Variants in ATP10A observed in about 807,000 individuals in gnomAD.
The protein encoded by ATP10A is phospholipid-transporting ATPase VA.
ATP10A carries 111 observed loss-of-function variants against 147.8 expected under a neutral mutation model. That is an observed-to-expected ratio of 0.75 (90% CI 0.64 to 0.88). The LOEUF (loss-of-function observed/expected upper bound fraction) is 0.88, where lower values mean the gene tolerates loss of function less well. Among genes scored for constraint, ATP10A ranks in the 40% least tolerant of loss-of-function variants. The pLI is 0.00. For synonymous variants in ATP10A, 875 were observed against 841.6 expected (o/e 1.04, Z -0.69); for missense variants, 1,927 against 1,959.0 (o/e 0.98, Z 0.31).
chr15:25,862,319 C>T (rs1189691639), intron 1 of ATP10A: 1 of 545,188 alleles, frequency 1.8e-6, no homozygotes. Flanking sequence ...TCCTGCCTTT[C>T]ACTTCAGGTG....
intron 2 of ATP10A, among the ~76,000 whole-genome samples, chr15:25,767,538 T>C (rs1394865819): frequency 6.6e-6 from 1 of 152,194 alleles, no homozygotes; most frequent in African/African-American, 2.4e-5. Context: ...CCTGGATCCC[T>C]TTATTTGTAA....
rs772103038 is a variant in ATP10A, at chr15:25,721,637, C to A, written c.1363+20G>T. 6.2e-7 allele frequency: 1 copy of A among 1,604,344 alleles called. No homozygotes were observed. The highest frequency in any genetic ancestry group is 8.5e-7 in the Non-Finnish European group (1 of 1,173,586). On this transcript the variant is annotated intron_variant, in intron 7 of 20. Transcript: ENST00000555815. ...TTTCTGGTTCAGCCTGGGTTGGGAGCCCCGCACCCCCAGACTCACCATTTG... is the reference window on the plus strand; with the variant it reads ...TTTCTGGTTCAGCCTGGGTTGGGAGACCCGCACCCCCAGACTCACCATTTG...
At chr15:25,691,901 C>T (rs1567304074) in intron 14 of ATP10A, 110 bp from the exon 15 acceptor site, 2 of 1,279,268 alleles carry the variant, frequency 1.6e-6, no homozygotes, top group Admixed American at 1.7e-5. Flanking sequence ...CCTGTGAAAG[C>T]GTCCTGGGGA....
chr15:25,751,915 C>T (rs1281957697), intron 2 of ATP10A, among the ~76,000 whole-genome samples: 3 of 152,008 alleles, frequency 2.0e-5, no homozygotes, highest in African/African-American at 4.8e-5. Context: ...TGAAAAAATG[C>T]TCAACATCAC....
Position 25,727,954 on chromosome 15 carries a change from CA to C in ATP10A, c.741-689del, listed in dbSNP as rs377706372. On this transcript the variant is annotated intron_variant, in intron 3 of 20. Transcript: ENST00000555815. ...GACCGCCCTGGGACAGATATGGCCC[CA>C]GGGGCCAGAGCACAGGTCACAGGGG... 3.2e-3 allele frequency among the ~76,000 whole-genome samples: 492 copies of C among 152,314 alleles called. 1 individual carries two copies. Among genetic ancestry groups the C allele is most frequent in the African/African-American group, 0.011 (472 of 41,578 alleles).
At chr15:25,709,715 T>C (rs1289907771) in intron 10 of ATP10A, 1 of 152,288 alleles carries the variant, frequency 6.6e-6, no homozygotes, top group Admixed American at 6.5e-5. Flanking sequence ...CAGGCAGAAG[T>C]GGCTGAGCCC....
chr15:25,787,729 C>A (rs1890236271), intron 1 of ATP10A, among the ~76,000 whole-genome samples: 1 of 152,100 alleles, frequency 6.6e-6, no homozygotes, highest in Middle Eastern at 3.2e-3. Flanking sequence ...TAACACAGTT[C>A]AGTCCATTTG....
intron 2 of ATP10A, among the ~76,000 whole-genome samples, chr15:25,770,271 G>A (rs1009878682): frequency 3.3e-5 from 5 of 152,126 alleles, no homozygotes; most frequent in African/African-American, 1.2e-4. Flanking sequence ...TTGGGGATCG[G>A]CCCAGCCCAG....
intron 3 of ATP10A, among the ~76,000 whole-genome samples, chr15:25,729,241 C>T (rs999720573): frequency 6.6e-6 from 1 of 152,304 alleles, no homozygotes; most frequent in Middle Eastern, 3.4e-3. Context: ...AATCCCAGCA[C>T]TTTGGGAGGC....
Position 25,686,526 on chromosome 15 carries a change from G to A in ATP10A, c.3291+1177C>T, listed in dbSNP as rs1246857279. Among the ~76,000 whole-genome samples, 5 of 106,858 alleles carry A rather than the reference G, an allele frequency of 4.7e-5. 2 individuals are homozygous for A. Among genetic ancestry groups the A allele is most frequent in the Non-Finnish European group, 8.4e-5 (5 of 59,552 alleles). 70.1% of individuals were successfully genotyped at this position (106,858 alleles called of 152,430 possible). The stretch of plus-strand genomic sequence containing the variant: ...AAATGAACATGAACAACCACTGACA[G>A]TTTAGAGCTAGCTAACTGGAGAGTT... On this transcript the variant is annotated intron_variant, in intron 16 of 20. Transcript: ENST00000555815.
chr15:25,726,137 G>A, intron 4 of ATP10A, 55 bp from the exon 5 acceptor site: 1 of 1,582,628 alleles, frequency 6.3e-7, no homozygotes, highest in Non-Finnish European at 8.6e-7. Flanking sequence ...TAAGGGACCA[G>A]CTGCATGGAT....
At chr15:25,833,828 C>T (rs746229810) in intron 1 of ATP10A, among the ~76,000 whole-genome samples, 4 of 151,942 alleles carry the variant, frequency 2.6e-5, no homozygotes, top group South Asian at 2.1e-4. Context: ...AAAAATAAGC[C>T]GGGCGTGGTG....
At chr15:25,705,316 G>T (rs1900911796) in intron 12 of ATP10A, among the ~76,000 whole-genome samples, 1 of 151,816 alleles carries the variant, frequency 6.6e-6, no homozygotes. Context: ...CACGCCTGTG[G>T]TCCCAGCTAC....
At position 25,721,844 on chromosome 15, in the gene ATP10A, A is replaced by G. The variant is rs562571482; in HGVS notation, c.1176T>C (p.Ile392=). Residue 392 remains isoleucine, a synonymous_variant, in exon 7 of 21, where the codon ATT becomes ATC. Coordinates refer to ENST00000555815, the MANE Select transcript of ATP10A (RefSeq NM_024490.4). ...CGTCATACAACTGCATGTCCTGGTT[A>G]ATGAAGTACACTTGGCATGCTTTAA... The part of the protein sequence containing the change: ...EIVKACQVYF[I]NQDMQLYDEE... 11 of 1,614,206 alleles carry G rather than the reference A, an allele frequency of 6.8e-6. No homozygotes were observed. The East Asian group carries it at 2.5e-4, about 36-fold the overall frequency.
Position 25,862,694 on chromosome 15 carries a change from G to A in ATP10A, c.403C>T (p.Arg135Cys). Reference protein sequence around the residue: ...RDLWEDYSRHRSDHKINHLGC... With the variant: ...RDLWEDYSRHCSDHKINHLGC... ...AGGTGGTTGATCTTGTGGTCGGAGC[G>A]GTGGCGGCTGTAGTCCTCCCACAGG... Residue 135 changes from arginine to cysteine, a missense_variant, in exon 1 of 21, where the codon CGC becomes TGC. By Grantham distance (180) the Arg-to-Cys change is radical (BLOSUM62 -3). Transcript: ENST00000555815. 1 of 1,607,218 alleles carries A rather than the reference G, an allele frequency of 6.2e-7. No individual in the cohort carries two copies. Among genetic ancestry groups the A allele is most frequent in the Non-Finnish European group, 8.5e-7 (1 of 1,175,852 alleles).
At chr15:25,783,018 A>T (rs1219243113) in intron 1 of ATP10A, among the ~76,000 whole-genome samples, 5 of 151,364 alleles carry the variant, frequency 3.3e-5, no homozygotes, top group African/African-American at 7.3e-5. Flanking sequence ...AAAAAAATTA[A>T]AAAAAAAATT....
chr15:25,754,626 A>G (rs1340007859), intron 2 of ATP10A, among the ~76,000 whole-genome samples: 1 of 152,194 alleles, frequency 6.6e-6, no homozygotes, highest in African/African-American at 2.4e-5. Flanking sequence ...TCTCAGAGGT[A>G]AAGTCATCCC....
intron 13 of ATP10A, among the ~76,000 whole-genome samples, chr15:25,696,991 G>A (rs1430631471): frequency 6.6e-6 from 1 of 152,130 alleles, no homozygotes; most frequent in Non-Finnish European, 1.5e-5. Context: ...TGCAGGAGAA[G>A]GGCAGGAAAT....
At chr15:25,721,563 TG>T in intron 7 of ATP10A, 93 bp downstream of exon 7, 2 of 1,205,190 alleles carry the variant, frequency 1.7e-6, no homozygotes, top group East Asian at 2.3e-5. Flanking sequence ...TGTGTGTGTG[TG>T]TGTGTGTGTG....
Sources: gnomAD v4.1 joint callset for allele counts (sites outside exome capture counted in the v4.1 genomes callset) on GRCh38, gnomAD v4.1.1 for gene constraint, MANE v1.5 for transcripts, NCBI Gene and HGNC (gene_info 2026-07-23, HGNC 2026-07-21) for gene names.